GRM7: variants seen among roughly 807,000 people sequenced by gnomAD.
The protein encoded by GRM7 is glutamate metabotropic receptor 7.
In GRM7, 35 loss-of-function variants were observed where a neutral mutation model predicts 84.5. The ratio of observed to expected loss-of-function variants is 0.41; its 90% CI spans 0.32 to 0.55. GRM7 has a LOEUF of 0.55. Among genes scored for constraint, GRM7 ranks in the 20% least tolerant of loss-of-function variants. The pLI, the probability that GRM7 is intolerant of heterozygous loss-of-function variation, is 0.19. For missense variants in GRM7, 1,003 were observed against 1,194.6 expected (o/e 0.84, Z 2.36); for synonymous variants, 487 against 455.1 (o/e 1.07, Z -0.89).
At chr3:6,913,257 T>C (rs1367105638) in intron 1 of GRM7, among the ~76,000 whole-genome samples, 1 of 152,192 alleles carries the variant, frequency 6.6e-6, no homozygotes, top group Non-Finnish European at 1.5e-5. Context: ...GCTTTATCAG[T>C]GTAAATGGGT....
chr3:7,517,931 A>G (rs1039640959), intron 7 of GRM7, among the ~76,000 whole-genome samples: 1 of 152,190 alleles, frequency 6.6e-6, no homozygotes, highest in Admixed American at 6.5e-5. Context: ...GGACCTTTAC[A>G]TCTAATTGGT....
rs368087798 is a variant in GRM7 at position 7,593,059 on chromosome 3, G to T, written c.2451+13702G>T. 2.3e-4 allele frequency among the ~76,000 whole-genome samples: 35 copies of T among 152,304 alleles called. 1 individual carries two copies. Among genetic ancestry groups the T allele is most frequent in the African/African-American group, 7.7e-4 (32 of 41,574 alleles). ...ATATTCCATGCATGGAAATGCTCTT[G>T]CTAGTTAGAGTATCTTTTCAAATGC... On this transcript the variant is annotated intron_variant, in intron 8 of 9. Coordinates refer to ENST00000357716, the MANE Select transcript of GRM7 (RefSeq NM_000844.4).
chr3:7,661,350 A>T lies in GRM7; in HGVS notation c.2452-18699A>T, dbSNP rs78011562. Among the ~76,000 whole-genome samples, 685 of 152,334 alleles carry T rather than the reference A, an allele frequency of 4.5e-3. 17 individuals carry two copies. The East Asian group carries it at 0.088, about 20-fold the overall frequency. ...ACAAATAGCAACAGGGAATTTTCTCAACATCACCAGTCGTTAGAAAAACAA... is the reference window on the plus strand; with the variant it reads ...ACAAATAGCAACAGGGAATTTTCTCTACATCACCAGTCGTTAGAAAAACAA... On this transcript the variant is annotated intron_variant, in intron 8 of 9. Coordinates refer to ENST00000357716, the MANE Select transcript of GRM7 (RefSeq NM_000844.4).
At chr3:7,621,204 TGAG>T (rs981672059) in intron 8 of GRM7, among the ~76,000 whole-genome samples, 2 of 152,100 alleles carry the variant, frequency 1.3e-5, no homozygotes, top group African/African-American at 4.8e-5. Context: ...TTGTTTGAAA[TGAG>T]GAGCTACACA....
chr3:7,612,463 G>A (rs1192675581), intron 8 of GRM7, among the ~76,000 whole-genome samples: 2 of 152,188 alleles, frequency 1.3e-5, no homozygotes, highest in African/African-American at 4.8e-5. Flanking sequence ...AGGAATGAGT[G>A]GAATCAGGGT....
intron 7 of GRM7, chr3:7,560,163 A>G (rs926986412): frequency 2.0e-5 from 3 of 152,098 alleles, no homozygotes; most frequent in Non-Finnish European, 2.9e-5. Context: ...AGGGAGAGGC[A>G]TAGAAGTACC....
At chr3:7,153,911 G>A (rs1334056420) in intron 2 of GRM7, among the ~76,000 whole-genome samples, 2 of 152,148 alleles carry the variant, frequency 1.3e-5, no homozygotes, top group East Asian at 3.9e-4. Context: ...GAAAGATTCT[G>A]AAAGAAGGTA....
intron 1 of GRM7, among the ~76,000 whole-genome samples, chr3:6,865,307 C>A (rs182358254): frequency 6.6e-6 from 1 of 152,140 alleles, no homozygotes; most frequent in Admixed American, 6.5e-5. Flanking sequence ...TTATATAATA[C>A]GGTGACCAAT....
At chr3:7,592,339 T>TGAG (rs1695830893) in intron 8 of GRM7, among the ~76,000 whole-genome samples, 1 of 151,682 alleles carries the variant, frequency 6.6e-6, no homozygotes, top group Non-Finnish European at 1.5e-5. Context: ...AGAGCAGGGC[T>TGAG]CACTGAGAAG....
intron 1 of GRM7, among the ~76,000 whole-genome samples, chr3:7,034,800 G>T (rs1254572467): frequency 4.6e-5 from 7 of 152,204 alleles, no homozygotes; most frequent in Non-Finnish European, 8.8e-5. Flanking sequence ...CTGGAGTCAT[G>T]TCAATTCCTT....
intron 8 of GRM7, among the ~76,000 whole-genome samples, chr3:7,641,318 C>G (rs1698356066): frequency 6.6e-6 from 1 of 152,166 alleles, no homozygotes; most frequent in Non-Finnish European, 1.5e-5. Context: ...ATAGGAATTA[C>G]AGACAGAAAG....
chr3:7,219,906 T>TA (rs1444724707), intron 2 of GRM7, among the ~76,000 whole-genome samples: 1 of 152,056 alleles, frequency 6.6e-6, no homozygotes, highest in Non-Finnish European at 1.5e-5. Flanking sequence ...AAGTGCTTAA[T>TA]AAAAACCCAT....
chr3:7,138,102 G>T (rs1305405912), intron 1 of GRM7, among the ~76,000 whole-genome samples: 1 of 151,878 alleles, frequency 6.6e-6, no homozygotes, highest in African/African-American at 2.4e-5. Context: ...AAGTGATAAT[G>T]ACATGCCAGT....
At chr3:7,117,779 G>A (rs1693087369) in intron 1 of GRM7, among the ~76,000 whole-genome samples, 1 of 152,168 alleles carries the variant, frequency 6.6e-6, no homozygotes, top group Non-Finnish European at 1.5e-5. Flanking sequence ...TGTAAGATGT[G>A]GCAGTAGTAA....
At chr3:7,133,894 C>T (rs1693684358) in intron 1 of GRM7, among the ~76,000 whole-genome samples, 1 of 152,010 alleles carries the variant, frequency 6.6e-6, no homozygotes, top group African/African-American at 2.4e-5. Flanking sequence ...TCTGGGATAC[C>T]ACGTTGGGAT....
At position 7,248,054 on chromosome 3, in the gene GRM7, T is replaced by C. The variant is rs144049268; in HGVS notation, c.737-50630T>C. On this transcript the variant is annotated intron_variant, in intron 2 of 9. Transcript: ENST00000357716. ...ATATGGTGCAGCCATTTTAGAAATA[T>C]GTTTGATAGTTTTTTATAAAGTTAA... Among the ~76,000 whole-genome samples, 7 of 152,282 alleles carry C rather than the reference T, an allele frequency of 4.6e-5. No individual in the cohort carries two copies. The East Asian group carries it at 1.3e-3, about 29-fold the overall frequency.
chr3:7,203,793 A>ACCCTAACACCCAGTCTT, intron 2 of GRM7, among the ~76,000 whole-genome samples: 3 of 152,186 alleles, frequency 2.0e-5, no homozygotes, highest in African/African-American at 7.2e-5. Flanking sequence ...GCTATATAAA[A>ACCCTAACACCCAGTCTT]CATTTTGTTC....
Position 7,384,756 on chromosome 3 carries a change from C to T in GRM7, c.1034-30267C>T, listed in dbSNP as rs1694720314. Among the ~76,000 whole-genome samples, 4 of 152,250 alleles carry T rather than the reference C, an allele frequency of 2.6e-5. No homozygotes were observed. In the South Asian group the frequency reaches 8.3e-4, roughly 32 times the overall value. On this transcript the variant is annotated intron_variant, in intron 4 of 9. Coordinates refer to ENST00000357716, the MANE Select transcript of GRM7 (RefSeq NM_000844.4). The stretch of plus-strand genomic sequence containing the variant: ...TATCAAGTCGAATACAGCAGGTGTA[C>T]ACACAGTCACAAATCAGTTTAGCTC...
chr3:7,691,177 C>A, intron 9 of GRM7: 1 of 718,244 alleles, frequency 1.4e-6, no homozygotes, highest in African/African-American at 1.8e-5. Context: ...GATTAGTTTT[C>A]AATTCCCTTT....
Sources: allele counts gnomAD v4.1 joint callset (sites outside exome capture counted in the v4.1 genomes callset), GRCh38; gene constraint gnomAD v4.1.1; transcripts MANE v1.5; gene names NCBI Gene and HGNC (gene_info 2026-07-23, HGNC 2026-07-21).